HIVEP1: variants seen among roughly 807,000 people sequenced by gnomAD.
The protein encoded by HIVEP1 is zinc finger protein 40.
In HIVEP1, 36 loss-of-function variants were observed where a neutral mutation model predicts 180.0. The observed-to-expected ratio is 0.20, with a 90% CI of 0.15 to 0.26. HIVEP1 has a LOEUF of 0.26. Among genes scored for constraint, HIVEP1 ranks in the 10% least tolerant of loss-of-function variants. The pLI is 1.00. For missense variants in HIVEP1, 3,143 were observed against 3,268.7 expected, an observed-to-expected ratio of 0.96 and a Z score of 0.94; for synonymous variants, 1,239 against 1,239.0, an observed-to-expected ratio of 1.00 and a Z score of 0.00.
At chr6:12,145,143 G>C (rs1002433438) in intron 7 of HIVEP1, among the ~76,000 whole-genome samples, 1 of 152,152 alleles carries the variant, frequency 6.6e-6, no homozygotes, top group Non-Finnish European at 1.5e-5. Context: ...ATTATAGACT[G>C]GATTAAGAAA....
At chr6:12,206,415 G>A in the HIVEP1 span, among the ~76,000 whole-genome samples, 5 of 152,078 alleles carry the variant, frequency 3.3e-5, no homozygotes, top group Admixed American at 6.6e-5. Context: ...GATTACAGGC[G>A]TGAGCTACAA....
At chr6:12,171,373 A>G in the HIVEP1 span, among the ~76,000 whole-genome samples, 2 of 152,084 alleles carry the variant, frequency 1.3e-5, no homozygotes, top group Admixed American at 6.5e-5. Context: ...ATTTCATAAT[A>G]CATTATGTAA....
chr6:12,210,602 CCTT>C, the HIVEP1 span, among the ~76,000 whole-genome samples: 1 of 152,204 alleles, frequency 6.6e-6, no homozygotes, highest in African/African-American at 2.4e-5. Flanking sequence ...TACCTTTCCT[CCTT>C]CTGCTCATTC....
At chr6:12,126,666 C>T (rs1354483751) in intron 4 of HIVEP1, among the ~76,000 whole-genome samples, 3 of 152,118 alleles carry the variant, frequency 2.0e-5, no homozygotes, top group Admixed American at 2.0e-4. Flanking sequence ...TAAACATTTA[C>T]AAATCTGTCA....
chr6:12,012,183 C>T (rs1581478281), upstream of HIVEP1: 2 of 143,196 alleles, frequency 1.4e-5, no homozygotes, highest in East Asian at 2.1e-4. Flanking sequence ...TGCCGTGGCT[C>T]CGGGCGCCGG....
In HIVEP1 at chr6:12,131,014, G is replaced by A. The variant is rs536338512; in HGVS notation, c.6385+72G>A. On this transcript the variant is annotated intron_variant, in intron 6 of 8. Transcript: ENST00000379388. Reference sequence around the variant, plus strand: ...TGGGAAAGCTAAAACCCAACTGTGCGTTTTCTTTGACCGATGAAATAGCAG... The same window carrying A: ...TGGGAAAGCTAAAACCCAACTGTGCATTTTCTTTGACCGATGAAATAGCAG... The A allele has an allele frequency of 3.1e-5, 34 of 1,104,940 alleles. No individual in the cohort carries two copies. The Middle Eastern group carries it at 6.3e-4, about 21-fold the overall frequency. 68.4% of individuals were successfully genotyped at this position (1,104,940 alleles called of 1,614,324 possible). A position where few individuals can be genotyped will look rare whatever the true frequency, so the allele number is the denominator to read the frequency against.
upstream of HIVEP1, chr6:12,008,473 A>G (rs1196529086): frequency 6.6e-6 from 1 of 152,276 alleles, no homozygotes; most frequent in Admixed American, 6.5e-5. Context: ...AGTCTCCAGG[A>G]TCACTAGAGG....
At chr6:12,185,096 A>G in the HIVEP1 span, among the ~76,000 whole-genome samples, 9 of 152,360 alleles carry the variant, frequency 5.9e-5, no homozygotes, top group Middle Eastern at 6.8e-3. Context: ...CTCAAACTGG[A>G]CAAAAATGAT....
intron 2 of HIVEP1, among the ~76,000 whole-genome samples, chr6:12,029,152 G>A (rs572990601): frequency 1.3e-5 from 2 of 152,306 alleles, no homozygotes; most frequent in African/African-American, 2.4e-5. Flanking sequence ...TAATGTTGCT[G>A]TAAGCAATCC....
intron 3 of HIVEP1, among the ~76,000 whole-genome samples, chr6:12,116,669 TAAAG>T (rs1775235755): frequency 6.6e-6 from 1 of 152,052 alleles, no homozygotes. Flanking sequence ...GTGAACCTGT[TAAAG>T]AAAGAAGATC....
chr6:12,147,430 T>G (rs1366195669), intron 7 of HIVEP1, among the ~76,000 whole-genome samples: 1 of 152,236 alleles, frequency 6.6e-6, no homozygotes, highest in Non-Finnish European at 1.5e-5. Flanking sequence ...TATCTGACTT[T>G]TATCCTGGGT....
chr6:12,076,005 G>T (rs768477194), intron 2 of HIVEP1, among the ~76,000 whole-genome samples: 13 of 152,118 alleles, frequency 8.5e-5, no homozygotes, highest in Non-Finnish European at 1.9e-4. Context: ...ATAAGTTGAT[G>T]TATCTTTTGT....
At position 12,122,196 on chromosome 6, in the gene HIVEP1, C is replaced by T. The variant is rs752880196; in HGVS notation, c.2401C>T (p.Arg801Trp). The change falls in exon 4 of 9, where the codon CGG (arginine) becomes TGG (tryptophan). Residue 801 changes from arginine to tryptophan, a missense_variant. Physicochemically the swap from Arg to Trp is moderately radical, Grantham distance 101. Around this residue, in one of 12 missense-constraint regions of HIVEP1, gnomAD observed 204 missense variants for 243.7 expected, o/e 0.84. Transcript: ENST00000379388. Reference protein sequence around the residue: ...SFQFDLKPVGRRTSSSSDIPK... With the variant: ...SFQFDLKPVGWRTSSSSDIPK... ...CCAGTTTGATTTAAAACCAGTGGGA[C>T]GGAGAACAAGTTCAAGCTCTGATAT... 15 of 1,614,078 alleles carry T rather than the reference C, an allele frequency of 9.3e-6. No homozygotes were observed. Among genetic ancestry groups the T allele is most frequent in the African/African-American group, 2.7e-5 (2 of 74,936 alleles).
chr6:12,146,593 A>G (rs1201270265), intron 7 of HIVEP1, among the ~76,000 whole-genome samples: 1 of 152,220 alleles, frequency 6.6e-6, no homozygotes, highest in East Asian at 1.9e-4. Flanking sequence ...TGTTAATGTG[A>G]TAATGGCATT....
At chr6:12,099,061 G>C (rs1467865669) in intron 3 of HIVEP1, among the ~76,000 whole-genome samples, 1 of 152,172 alleles carries the variant, frequency 6.6e-6, no homozygotes, top group Non-Finnish European at 1.5e-5. Context: ...ACAAATGTAT[G>C]TAGTAACATT....
chr6:12,208,309 G>A, the HIVEP1 span, among the ~76,000 whole-genome samples: 1 of 152,166 alleles, frequency 6.6e-6, no homozygotes, highest in South Asian at 2.1e-4. Context: ...CCCCAAACTC[G>A]CCCTGTGATG....
At chr6:12,185,354 C>T in the HIVEP1 span, among the ~76,000 whole-genome samples, 8 of 152,300 alleles carry the variant, frequency 5.3e-5, no homozygotes, top group South Asian at 2.1e-4. Context: ...AAAAGCTGCA[C>T]GGAAGCGTAG....
chr6:12,010,227 A>G (rs1394658920), upstream of HIVEP1, among the ~76,000 whole-genome samples: 1 of 152,364 alleles, frequency 6.6e-6, no homozygotes, highest in East Asian at 1.9e-4. Flanking sequence ...TAGGGTTAGC[A>G]TTAGTATGCT....
At chr6:12,071,176 G>A (rs1771945027) in intron 2 of HIVEP1, among the ~76,000 whole-genome samples, 1 of 152,126 alleles carries the variant, frequency 6.6e-6, no homozygotes, top group Non-Finnish European at 1.5e-5. Flanking sequence ...GACCATTTCT[G>A]TTTCTTCATT....
Sources: gnomAD v4.1 joint callset for allele counts (sites outside exome capture counted in the v4.1 genomes callset) on GRCh38, gnomAD v4.1.1 for gene constraint, gnomAD v4.1.1 regional missense constraint, MANE v1.5 for transcripts, NCBI Gene and HGNC (gene_info 2026-07-23, HGNC 2026-07-21) for gene names.